The following OTOP2 variants were observed in gnomAD, a reference collection of about 807,000 sequenced individuals.
The protein encoded by OTOP2 is otopetrin 2.
Under a neutral mutation model 47.4 loss-of-function variants are expected in OTOP2, and 41 were observed. That is an observed-to-expected ratio of 0.87 (90% CI 0.67 to 1.12). OTOP2 has a LOEUF of 1.12. Ranked by LOEUF, OTOP2 falls within the 50% of genes most tolerant of loss-of-function variation. The pLI is 0.00. For missense variants in OTOP2, 721 were observed against 752.2 expected (o/e 0.96, Z 0.49); for synonymous variants, 328 against 319.6 (o/e 1.03, Z -0.28).
Position 74,927,170 on chromosome 17 carries a change from G to T in OTOP2, c.451-53G>T, listed in dbSNP as rs947529259. The T allele has an allele frequency of 8.5e-5, 128 of 1,498,048 alleles. 1 individual carries two copies. The East Asian group carries it at 2.8e-3, about 33-fold the overall frequency. The allele number at this position is 1,498,048 out of a possible 1,614,324, so 92.8% of individuals were successfully genotyped here. Reference sequence around the variant, plus strand: ...AGATGGCATGGACTTGGGTGCGCTGGAGTTTTGTCCATCTATGGAGTAAAT... The same window carrying T: ...AGATGGCATGGACTTGGGTGCGCTGTAGTTTTGTCCATCTATGGAGTAAAT... On this transcript the variant is annotated intron_variant, in intron 3 of 6. Transcript: ENST00000331427.
intron 6 of OTOP2, among the ~76,000 whole-genome samples, chr17:74,931,557 A>C (rs184580847): frequency 2.0e-5 from 3 of 152,226 alleles, no homozygotes; most frequent in Admixed American, 6.5e-5. Flanking sequence ...GTCAGGAAGT[A>C]GCGGAGACCA....
At chr17:74,925,743 T>C (rs773739597) in intron 3 of OTOP2, 51 bp downstream of exon 3, 11 of 1,608,962 alleles carry the variant, frequency 6.8e-6, no homozygotes, top group Non-Finnish European at 6.8e-6. Flanking sequence ...CACTTGGCCA[T>C]TGGGAAGGAC....
intron 5 of OTOP2, 157 bp downstream of exon 5, chr17:74,927,955 A>C (rs2039024855): frequency 1.0e-6 from 1 of 996,458 alleles, no homozygotes; most frequent in African/African-American, 1.7e-5. Flanking sequence ...TCTGCAGTAT[A>C]GGTGTAGGTG....
At chr17:74,927,078 A>T (rs1313597073) in intron 3 of OTOP2, 145 bp from the exon 4 acceptor site, 1 of 807,596 alleles carries the variant, frequency 1.2e-6, no homozygotes, top group Non-Finnish European at 2.2e-6. Context: ...CCCAGCCTCC[A>T]CCTCATTTTG....
Position 74,930,512 on chromosome 17 carries a change from C to T in OTOP2, c.877C>T (p.Pro293Ser), listed in dbSNP as rs780599563. 6.2e-6 allele frequency: 10 copies of T among 1,612,944 alleles called. No homozygotes were observed. Among genetic ancestry groups the T allele is most frequent in the Non-Finnish European group, 7.6e-6 (9 of 1,179,008 alleles). ...SLFRETFFAG[P>S]VLGLLLFVVG... ...CTTCCGGGAGACCTTTTTTGCTGGC[C>T]CGGTTCTGGGCCTGCTGCTCTTCGT... Residue 293 changes from proline to serine, a missense_variant, in exon 6 of 7, where the codon CCG becomes TCG. Pro to Ser is a moderately conservative substitution (Grantham distance 74, BLOSUM62 -1). Transcript: ENST00000331427. This position sits in a 1 kb window ranked among gnomAD's most constrained non-coding sequence, Gnocchi z 4.0.
chr17:74,927,431 C>A, intron 4 of OTOP2, 150 bp downstream of exon 4: 1 of 1,098,596 alleles, frequency 9.1e-7, no homozygotes, highest in Non-Finnish European at 1.4e-6. Flanking sequence ...GGCTGACTTC[C>A]ACTACCTTGT....
Position 74,925,609 on chromosome 17 carries a change from G to C in OTOP2, c.367G>C (p.Gly123Arg). The C allele has an allele frequency of 6.2e-7, 1 of 1,614,112 alleles. No individual in the cohort carries two copies. Among genetic ancestry groups the C allele is most frequent in the Non-Finnish European group, 8.5e-7 (1 of 1,180,012 alleles). ...CTLIMDVFKT[G>R]YYSSFFECQS... ...CCTCATCATGGATGTCTTCAAGACC[G>C]GCTACTACTCCAGTTTCTTTGAGTG... The change falls in exon 3 of 7, where the codon GGC becomes CGC. Residue 123 changes from glycine (G) to arginine (R), a missense_variant. Gly to Arg is a moderately radical substitution (Grantham distance 125, BLOSUM62 -2). Coordinates refer to ENST00000331427, the MANE Select transcript of OTOP2 (RefSeq NM_178160.3).
chr17:74,932,761 G>C (rs1219789840), intron 6 of OTOP2, among the ~76,000 whole-genome samples: 1 of 152,206 alleles, frequency 6.6e-6, no homozygotes, highest in Non-Finnish European at 1.5e-5. Flanking sequence ...GTTAATCAGG[G>C]GTAGGGGTGG....
chr17:74,930,651 C>T lies in OTOP2; in HGVS notation c.1016C>T (p.Thr339Ile). ...YSFNIVCLGLTTLVSLSGSII... is the reference protein window; with the variant it reads ...YSFNIVCLGLITLVSLSGSII... ...TTCAACATTGTCTGCTTGGGACTCA[C>T]CACCTTGGTCAGCCTGAGCGGCTCC... Residue 339 changes from threonine to isoleucine, a missense_variant, in exon 6 of 7, where the codon ACC becomes ATC. Thr to Ile is a moderately conservative substitution (Grantham distance 89, BLOSUM62 -1). Transcript: ENST00000331427. The surrounding 1 kb of genome is among the most constrained non-coding windows in gnomAD (Gnocchi z 4.0). 6.2e-7 allele frequency: 1 copy of T among 1,614,098 alleles called. No homozygotes were observed. The highest frequency in any genetic ancestry group is 8.5e-7 in the Non-Finnish European group (1 of 1,180,016).
At position 74,928,246 on chromosome 17, in the gene OTOP2, G is replaced by A. The variant is rs140808978; in HGVS notation, c.643+448G>A. Among the ~76,000 whole-genome samples, 238 of 152,288 alleles carry A rather than the reference G, an allele frequency of 1.6e-3. 1 individual carries two copies. Among genetic ancestry groups the A allele is most frequent in the African/African-American group, 5.6e-3 (232 of 41,548 alleles). ...GTGGTCCCAGCTACTATGGGAGGCT[G>A]AGGAGGGAGGATTGCTTGAGCCTGG... is the stretch of plus-strand genomic sequence containing the variant. On this transcript the variant is annotated intron_variant, in intron 5 of 6. Coordinates refer to ENST00000331427, the MANE Select transcript of OTOP2 (RefSeq NM_178160.3).
rs1377299919 is a variant in OTOP2 at position 74,930,403 on chromosome 17, C to T, written c.768C>T (p.Thr256=). The change falls in exon 6 of 7, where the codon ACC becomes ACT. Residue 256 remains threonine (T), a synonymous_variant. Transcript: ENST00000331427. The surrounding 1 kb of genome is among the most constrained non-coding windows in gnomAD (Gnocchi z 4.0). ...FNIEYSLFAS[T]MLYVMWKNVG... is the part of the protein sequence containing the mutation. ...TCGAGTACAGCCTCTTCGCCTCCAC[C>T]ATGCTGTATGTCATGTGGAAGAATG... The T allele has an allele frequency of 6.2e-7, 1 of 1,614,190 alleles. No homozygotes were observed. Among genetic ancestry groups the T allele is most frequent in the South Asian group, 1.1e-5 (1 of 91,080 alleles).
Position 74,927,704 on chromosome 17 carries a change from CT to C in OTOP2, c.550del (p.Trp184GlyfsTer131). Reference protein sequence around the residue: ...MFTLTTNLAIWMAAVVDESVH... With the variant: ...MFTLTTNLAIXMAAVVDESVH... ...TCACACTCACCACCAACCTGGCCAT[CT>C]GGATGGCGGCCGTGGTGGATGAATC... On this transcript the variant is annotated frameshift_variant, in exon 5 of 7. Coordinates refer to ENST00000331427, the MANE Select transcript of OTOP2 (RefSeq NM_178160.3). LOFTEE classifies it high-confidence loss of function. 6.2e-7 allele frequency: 1 copy of C among 1,614,200 alleles called. No individual in the cohort carries two copies. Among genetic ancestry groups the C allele is most frequent in the Non-Finnish European group, 8.5e-7 (1 of 1,180,008 alleles).
Position 74,928,823 on chromosome 17 carries a change from G to A in OTOP2, c.643+1025G>A, listed in dbSNP as rs375163805. Among the ~76,000 whole-genome samples, 6 of 152,282 alleles carry A rather than the reference G, an allele frequency of 3.9e-5. No homozygotes were observed. The East Asian group carries it at 9.6e-4, about 24-fold the overall frequency. ...CAGACAAGATAACTAAGACATGCAC[G>A]CTCCTAGCATGGGAGGGTCCGGCAA... On this transcript the variant is annotated intron_variant, in intron 5 of 6. Coordinates refer to ENST00000331427, the MANE Select transcript of OTOP2 (RefSeq NM_178160.3).
chr17:74,924,790 A>T lies in OTOP2; in HGVS notation c.158A>T (p.Asn53Ile). 1 of 1,611,838 alleles carries T rather than the reference A, an allele frequency of 6.2e-7. No individual in the cohort carries two copies. Among genetic ancestry groups the T allele is most frequent in the Non-Finnish European group, 8.5e-7 (1 of 1,179,292 alleles). The change falls in exon 2 of 7, where the codon AAC (asparagine) becomes ATC (isoleucine). Residue 53 changes from asparagine (N) to isoleucine (I), a missense_variant. Transcript: ENST00000331427. This position sits in a 1 kb window ranked among gnomAD's most constrained non-coding sequence, Gnocchi z 7.7. ...ACGCTCATCAGCGGCGGAGCCTTCA[A>T]CAAGGTGGCCGTGTACGACACCGAC... ...ACTLISGGAF[N>I]KVAVYDTDVF... is the part of the protein sequence containing the mutation.
intron 5 of OTOP2, among the ~76,000 whole-genome samples, chr17:74,928,475 AAGG>A (rs1417871447): frequency 6.6e-6 from 1 of 152,164 alleles, no homozygotes; most frequent in Non-Finnish European, 1.5e-5. Flanking sequence ...AGAGCCCGGG[AAGG>A]AGGAGAAGGT....
At chr17:74,929,171 C>G (rs1040651636) in intron 5 of OTOP2, among the ~76,000 whole-genome samples, 5 of 152,154 alleles carry the variant, frequency 3.3e-5, no homozygotes, top group Non-Finnish European at 7.3e-5. Flanking sequence ...CAAACACATT[C>G]TGGAATCAAG....
Position 74,933,585 on chromosome 17 carries a change from C to T in OTOP2, c.*40C>T, listed in dbSNP as rs769957649. Reference sequence around the variant, plus strand: ...GCATGGGGGGCAGGAAGAGGGGGCTCAGCTCATGTGCCCACTCAGACACCC... The same window carrying T: ...GCATGGGGGGCAGGAAGAGGGGGCTTAGCTCATGTGCCCACTCAGACACCC... On this transcript the variant is annotated 3_prime_UTR_variant, in exon 7 of 7. Coordinates refer to ENST00000331427, the MANE Select transcript of OTOP2 (RefSeq NM_178160.3). The surrounding 1 kb of genome is among the most constrained non-coding windows in gnomAD (Gnocchi z 4.7). 3.9e-6 allele frequency: 6 copies of T among 1,547,544 alleles called. No homozygotes were observed. The highest frequency in any genetic ancestry group is 1.3e-5 in the African/African-American group (1 of 74,104).
rs1268965289 is a variant in OTOP2 at position 74,930,276 on chromosome 17, C to G, written c.644-3C>G. ...TCCAGCCCTGTGTCTCTCTCCACAA[C>G]AGAGCATGCAGACAACCCGGTCGGA... is the stretch of plus-strand genomic sequence containing the variant. On this transcript the variant is annotated splice_region_variant and splice_polypyrimidine_tract_variant and intron_variant, in intron 5 of 6. Transcript: ENST00000331427. The surrounding 1 kb of genome is among the most constrained non-coding windows in gnomAD (Gnocchi z 4.0). 2.5e-6 allele frequency: 4 copies of G among 1,610,076 alleles called. No individual in the cohort carries two copies. Among genetic ancestry groups the G allele is most frequent in the South Asian group, 1.1e-5 (1 of 90,822 alleles).
Position 74,924,655 on chromosome 17 carries a change from G to A in OTOP2, c.23G>A (p.Gly8Asp). 6.3e-7 allele frequency: 1 copy of A among 1,587,448 alleles called. No homozygotes were observed. Among genetic ancestry groups the A allele is most frequent in the Non-Finnish European group, 8.5e-7 (1 of 1,171,538 alleles). Reference protein sequence around the residue: MSEELAQGPKESPPAPRA... With the variant: MSEELAQDPKESPPAPRA... ...GCCATGTCCGAGGAGCTGGCCCAGG[G>A]CCCCAAGGAGAGCCCCCCGGCGCCG... is the stretch of plus-strand genomic sequence containing the variant. The change falls in exon 2 of 7, where the codon GGC becomes GAC. Residue 8 changes from glycine (G) to aspartate (D), a missense_variant. By Grantham distance (94) the Gly-to-Asp change is moderately conservative. Coordinates refer to ENST00000331427, the MANE Select transcript of OTOP2 (RefSeq NM_178160.3). This position sits in a 1 kb window ranked among gnomAD's most constrained non-coding sequence, Gnocchi z 7.7.
Sources: allele counts gnomAD v4.1 joint callset (sites outside exome capture counted in the v4.1 genomes callset), GRCh38; gene constraint gnomAD v4.1.1; non-coding constraint Gnocchi (gnomAD v3.1); transcripts MANE v1.5; gene names NCBI Gene and HGNC (gene_info 2026-07-23, HGNC 2026-07-21).